PDE3A: variants seen among roughly 807,000 people sequenced by gnomAD.
PDE3A encodes cGMP-inhibited 3',5'-cyclic phosphodiesterase 3A.
Under a neutral mutation model 98.3 loss-of-function variants are expected in PDE3A, and 43 were observed. That is an observed-to-expected ratio of 0.44 (90% CI 0.34 to 0.56). The LOEUF (loss-of-function observed/expected upper bound fraction) is 0.56. Among genes scored for constraint, PDE3A ranks in the 20% least tolerant of loss-of-function variants. The pLI, the probability that PDE3A is intolerant of heterozygous loss-of-function variation, is 0.01. For synonymous variants in PDE3A, 663 were observed against 567.9 expected (o/e 1.17, Z -2.38); for missense variants, 1,427 against 1,440.7 (o/e 0.99, Z 0.15).
chr12:20,572,567 A>C (rs1201253149), intron 2 of PDE3A, among the ~76,000 whole-genome samples: 1 of 152,120 alleles, frequency 6.6e-6, no homozygotes, highest in Non-Finnish European at 1.5e-5. Context: ...CTAAAGATTG[A>C]CAATGTCCAT....
intron 1 of PDE3A, among the ~76,000 whole-genome samples, chr12:20,381,842 C>T (rs757832140): frequency 6.6e-6 from 1 of 151,818 alleles, no homozygotes; most frequent in African/African-American, 2.4e-5. Flanking sequence ...GTAAGCATTA[C>T]AGTATGACTA....
At chr12:20,447,008 T>C (rs1416593696) in intron 1 of PDE3A, among the ~76,000 whole-genome samples, 1 of 152,144 alleles carries the variant, frequency 6.6e-6, no homozygotes, top group African/African-American at 2.4e-5. Context: ...CAGTGAGAAA[T>C]GCCCTGGAAG....
At chr12:20,640,486 T>A (rs1944621730) in intron 10 of PDE3A, among the ~76,000 whole-genome samples, 2 of 152,108 alleles carry the variant, frequency 1.3e-5, no homozygotes, top group East Asian at 3.8e-4. Context: ...AGGAGGATGA[T>A]GGTCTGATGA....
intron 1 of PDE3A, among the ~76,000 whole-genome samples, chr12:20,469,342 A>C (rs1945396995): frequency 6.6e-6 from 1 of 152,004 alleles, no homozygotes; most frequent in Non-Finnish European, 1.5e-5. Flanking sequence ...CCTTACTTTT[A>C]TTATGTTGTA....
At chr12:20,522,457 T>C (rs911769753) in intron 1 of PDE3A, among the ~76,000 whole-genome samples, 4 of 152,202 alleles carry the variant, frequency 2.6e-5, no homozygotes, top group Admixed American at 1.3e-4. Flanking sequence ...AATTAACTGA[T>C]GATTATTAAG....
chr12:20,669,033 C>A (rs903372506), intron 15 of PDE3A, among the ~76,000 whole-genome samples: 1 of 150,954 alleles, frequency 6.6e-6, no homozygotes, highest in East Asian at 2.0e-4. Flanking sequence ...AACCAAGGCT[C>A]GAGAACTACG....
chr12:20,564,008 AG>A (rs1413457000), intron 2 of PDE3A, among the ~76,000 whole-genome samples: 4 of 152,140 alleles, frequency 2.6e-5, no homozygotes, highest in African/African-American at 9.7e-5. Flanking sequence ...CTATCATAGT[AG>A]GGATATTGCT....
intron 1 of PDE3A, among the ~76,000 whole-genome samples, chr12:20,537,699 T>A (rs796577023): frequency 3.9e-5 from 6 of 152,240 alleles, no homozygotes; most frequent in African/African-American, 1.4e-4. Context: ...AAATAACATG[T>A]CTAGCCCAGC....
chr12:20,531,964 CT>C lies in PDE3A; in HGVS notation c.961-24694del, dbSNP rs1941611646. 3.3e-5 allele frequency among the ~76,000 whole-genome samples: 5 copies of C among 149,362 alleles called. No individual in the cohort carries two copies. In the East Asian group the frequency reaches 9.8e-4, roughly 29 times the overall value. On this transcript the variant is annotated intron_variant, in intron 1 of 15. Transcript: ENST00000359062. ...TAAAAGTTTTTTTTTTTTAATATAT[CT>C]TATGTCCTGTGTGCAAGTCTAATGG...
chr12:20,369,542 C>A lies in PDE3A; in HGVS notation c.258C>A (p.Gly86=), dbSNP rs771586800. 7.6e-5 allele frequency: 118 copies of A among 1,558,626 alleles called. No individual in the cohort carries two copies. The highest frequency in any genetic ancestry group is 1.0e-4 in the Non-Finnish European group (115 of 1,151,764). ...TGAGGCTGGTCCGCGGGGAGGTCGGCTGTGACCTGGAGCAGTGTAAGGAGG... is the reference window on the plus strand; with the variant it reads ...TGAGGCTGGTCCGCGGGGAGGTCGGATGTGACCTGGAGCAGTGTAAGGAGG... ...LLVRLVRGEV[G]CDLEQCKEAA... Residue 86 remains glycine, a synonymous_variant, in exon 1 of 16, where the codon GGC becomes GGA. Transcript: ENST00000359062.
intron 1 of PDE3A, among the ~76,000 whole-genome samples, chr12:20,521,942 A>G (rs1946436967): frequency 6.6e-6 from 1 of 152,050 alleles, no homozygotes; most frequent in African/African-American, 2.4e-5. Context: ...TAGCATTTTC[A>G]CTTAACACTC....
Position 20,653,707 on chromosome 12 carries a change from A to G in PDE3A, c.2926-240A>G, listed in dbSNP as rs564457422. Among the ~76,000 whole-genome samples, 25 of 152,332 alleles carry G rather than the reference A, an allele frequency of 1.6e-4. No individual in the cohort carries two copies. In the East Asian group the frequency reaches 4.4e-3, roughly 27 times the overall value. ...AAAAGACACTGACTTGTGTGATTAA[A>G]ATATCATCTACTTATACATTAGAAT... On this transcript the variant is annotated intron_variant, in intron 14 of 15. Coordinates refer to ENST00000359062, the MANE Select transcript of PDE3A (RefSeq NM_000921.5).
chr12:20,492,130 A>T (rs1945837364), intron 1 of PDE3A, among the ~76,000 whole-genome samples: 1 of 152,058 alleles, frequency 6.6e-6, no homozygotes, highest in Non-Finnish European at 1.5e-5. Context: ...ACACGTGTGC[A>T]TCACCACGTC....
chr12:20,379,999 A>G (rs561250824), intron 1 of PDE3A, among the ~76,000 whole-genome samples: 1 of 151,810 alleles, frequency 6.6e-6, no homozygotes, highest in Non-Finnish European at 1.5e-5. Flanking sequence ...TTAGAAAAAT[A>G]AAATGTCAAG....
chr12:20,499,472 CA>C (rs1945982275), intron 1 of PDE3A, among the ~76,000 whole-genome samples: 1 of 152,064 alleles, frequency 6.6e-6, no homozygotes. Flanking sequence ...ATGAAATTAA[CA>C]AATTGATTTT....
chr12:20,512,762 T>C (rs1473033121), intron 1 of PDE3A, among the ~76,000 whole-genome samples: 1 of 152,146 alleles, frequency 6.6e-6, no homozygotes, highest in African/African-American at 2.4e-5. Flanking sequence ...TTACGTTAGA[T>C]AGTGTCCTAT....
chr12:20,598,448 G>A (rs376524332), intron 2 of PDE3A, among the ~76,000 whole-genome samples: 4 of 152,130 alleles, frequency 2.6e-5, no homozygotes, highest in African/African-American at 9.6e-5. Context: ...CAAAGTACTG[G>A]GATTACAGGC....
At chr12:20,465,081 A>C (rs1262342410) in intron 1 of PDE3A, among the ~76,000 whole-genome samples, 1 of 152,156 alleles carries the variant, frequency 6.6e-6, no homozygotes, top group African/African-American at 2.4e-5. Context: ...TTTTATTTTC[A>C]ATTTTTAAAA....
At chr12:20,625,225 A>T (rs538422185) in intron 5 of PDE3A, among the ~76,000 whole-genome samples, 1 of 152,322 alleles carries the variant, frequency 6.6e-6, no homozygotes, top group South Asian at 2.1e-4. Flanking sequence ...CCTTTAATAA[A>T]AGCTTAAAAG....
Sources: allele counts gnomAD v4.1 joint callset (sites outside exome capture counted in the v4.1 genomes callset), GRCh38; gene constraint gnomAD v4.1.1; transcripts MANE v1.5; gene names NCBI Gene and HGNC (gene_info 2026-07-23, HGNC 2026-07-21).